The following TNFAIP8L3 variants were observed in gnomAD, a reference collection of about 807,000 sequenced individuals.
TNFAIP8L3 encodes TNF alpha induced protein 8 like 3.
In TNFAIP8L3, 7 loss-of-function variants were observed where a neutral mutation model predicts 11.8. The ratio of observed to expected loss-of-function variants is 0.59; its 90% confidence interval spans 0.34 to 1.11. The LOEUF is 1.11. TNFAIP8L3 is among the 50% of genes most tolerant of loss of function. The pLI, the probability that TNFAIP8L3 is intolerant of heterozygous loss-of-function variation, is 0.03. For synonymous variants in TNFAIP8L3, 98 were observed against 103.8 expected, an observed-to-expected ratio of 0.94 and a Z score of 0.34; for missense variants, 219 against 258.6, an observed-to-expected ratio of 0.85 and a Z score of 1.05.
intron 1 of TNFAIP8L3, among the ~76,000 whole-genome samples, chr15:51,102,517 G>T (rs1410678112): frequency 6.6e-6 from 1 of 152,144 alleles, no homozygotes; most frequent in Admixed American, 6.5e-5. Flanking sequence ...AATCTGGAAG[G>T]TTCCATTTAT....
upstream of TNFAIP8L3, among the ~76,000 whole-genome samples, chr15:51,099,131 C>A (rs186561798): frequency 4.7e-3 from 709 of 152,310 alleles, 4 homozygotes; most frequent in Middle Eastern, 0.017. Context: ...CTCCACTAGG[C>A]AGCAGGTGGG....
chr15:51,091,009 A>C (rs1315574285), intron 1 of TNFAIP8L3, among the ~76,000 whole-genome samples: 1 of 152,188 alleles, frequency 6.6e-6, no homozygotes, highest in Non-Finnish European at 1.5e-5. Context: ...GAATACACCA[A>C]GCTCTAGGAT....
chr15:51,058,329 A>T lies in TNFAIP8L3; in HGVS notation c.167T>A (p.Ile56Asn). 6.2e-7 allele frequency: 1 copy of T among 1,614,036 alleles called. No homozygotes were observed. Residue 56 changes from isoleucine to asparagine, a missense_variant, in exon 2 of 2, where the codon ATC becomes AAC. By Grantham distance (149) the Ile-to-Asn change is moderately radical. Transcript: ENST00000637513. ...GGTGACTTTGTAGAGCTCATCAAAGATCTCGCTGCTGGTGTCATCAATCAA... is the reference window on the plus strand; with the variant it reads ...GGTGACTTTGTAGAGCTCATCAAAGTTCTCGCTGCTGGTGTCATCAATCAA... ...NMLIDDTSSE[I>N]FDELYKVTKE...
intron 1 of TNFAIP8L3, among the ~76,000 whole-genome samples, chr15:51,085,049 G>C (rs1032294006): frequency 1.3e-5 from 2 of 152,200 alleles, no homozygotes; most frequent in Non-Finnish European, 2.9e-5. Flanking sequence ...ATACCTACCA[G>C]ATACTGCTGT....
chr15:51,089,045 T>C (rs2065448668), intron 1 of TNFAIP8L3, among the ~76,000 whole-genome samples: 1 of 152,250 alleles, frequency 6.6e-6, no homozygotes, highest in Non-Finnish European at 1.5e-5. Context: ...ACTGAGGCTG[T>C]TGGGTCTACA....
chr15:51,062,746 A>G (rs2065248907), intron 1 of TNFAIP8L3, among the ~76,000 whole-genome samples: 1 of 152,214 alleles, frequency 6.6e-6, no homozygotes, highest in South Asian at 2.1e-4. Context: ...TTTTAAAAAT[A>G]TTTATTTAAT....
chr15:51,060,851 A>C (rs2065238222), intron 1 of TNFAIP8L3, among the ~76,000 whole-genome samples: 1 of 152,174 alleles, frequency 6.6e-6, no homozygotes, highest in South Asian at 2.1e-4. Flanking sequence ...AAAATAATTA[A>C]TTGGCTGGGT....
intron 1 of TNFAIP8L3, among the ~76,000 whole-genome samples, chr15:51,065,328 G>C (rs942823579): frequency 6.6e-6 from 1 of 152,174 alleles, no homozygotes; most frequent in Admixed American, 6.5e-5. Context: ...ATAATTTAAG[G>C]GGGGAACTTC....
At chr15:51,090,697 G>A (rs193194176) in intron 1 of TNFAIP8L3, among the ~76,000 whole-genome samples, 1 of 152,144 alleles carries the variant, frequency 6.6e-6, no homozygotes, top group Non-Finnish European at 1.5e-5. Context: ...AAGCATGTAG[G>A]GGAGGAGAGG....
chr15:51,102,622 G>C (rs914617613), intron 1 of TNFAIP8L3, among the ~76,000 whole-genome samples: 4 of 152,200 alleles, frequency 2.6e-5, no homozygotes, highest in Non-Finnish European at 4.4e-5. Context: ...CATCACTTTA[G>C]ATATGAAGAA....
intron 1 of TNFAIP8L3, among the ~76,000 whole-genome samples, chr15:51,099,943 C>G (rs1231735846): frequency 2.6e-5 from 4 of 152,132 alleles, no homozygotes; most frequent in Non-Finnish European, 4.4e-5. Flanking sequence ...CCGGAAATAA[C>G]CAATTGATGA....
intron 1 of TNFAIP8L3, among the ~76,000 whole-genome samples, chr15:51,091,868 T>C (rs912532139): frequency 2.6e-5 from 4 of 152,220 alleles, no homozygotes; most frequent in Admixed American, 2.6e-4. Flanking sequence ...AGTTCATTAT[T>C]TAGCAGTATT....
At chr15:51,082,591 T>G (rs2065399948) in intron 1 of TNFAIP8L3, among the ~76,000 whole-genome samples, 1 of 152,222 alleles carries the variant, frequency 6.6e-6, no homozygotes, top group Non-Finnish European at 1.5e-5. Context: ...TACTGAAACT[T>G]TTTTACTTTA....
intron 1 of TNFAIP8L3, among the ~76,000 whole-genome samples, chr15:51,088,493 C>G (rs571682953): frequency 7.9e-5 from 12 of 152,302 alleles, no homozygotes; most frequent in African/African-American, 2.9e-4. Flanking sequence ...CTACAAACCT[C>G]TGGAAGGCAG....
chr15:51,102,232 C>G (rs970341528), intron 1 of TNFAIP8L3, among the ~76,000 whole-genome samples: 1 of 152,100 alleles, frequency 6.6e-6, no homozygotes, highest in Non-Finnish European at 1.5e-5. Context: ...GACAGGCATG[C>G]TTTCATCTGA....
In TNFAIP8L3 at chr15:51,105,034, G is replaced by C. The variant is rs371743377; in HGVS notation, c.143C>G (p.Ser48Cys). ...TCCCTTTCCCCTCTGAAGATGAAAAGATAAGGGGATGAGTCTTGTTTGTAA... is the reference window on the plus strand; with the variant it reads ...TCCCTTTCCCCTCTGAAGATGAAAACATAAGGGGATGAGTCTTGTTTGTAA... Residue 48 changes from serine (S) to cysteine (C), a missense_variant, in exon 1 of 3, where the codon TCT (serine) becomes TGT (cysteine). Ser to Cys is a moderately radical substitution (Grantham distance 112). Transcript: ENST00000327536. The C allele has an allele frequency of 2.5e-5, 40 of 1,614,048 alleles. No homozygotes were observed. Among genetic ancestry groups the C allele is most frequent in the Non-Finnish European group, 3.3e-5 (39 of 1,180,042 alleles).
chr15:51,072,612 A>C (rs565396945), intron 1 of TNFAIP8L3, among the ~76,000 whole-genome samples: 1 of 152,286 alleles, frequency 6.6e-6, no homozygotes, highest in African/African-American at 2.4e-5. Context: ...AATCAATCTG[A>C]AAATTATCTG....
At chr15:51,089,499 C>A (rs1405843098) in intron 1 of TNFAIP8L3, among the ~76,000 whole-genome samples, 4 of 152,176 alleles carry the variant, frequency 2.6e-5, no homozygotes, top group Admixed American at 1.3e-4. Context: ...AGTAGACATA[C>A]CCTGTCTCCT....
At chr15:51,089,513 C>T (rs904170281) in intron 1 of TNFAIP8L3, among the ~76,000 whole-genome samples, 5 of 152,308 alleles carry the variant, frequency 3.3e-5, no homozygotes, top group Non-Finnish European at 5.9e-5. Context: ...GTCTCCTCAT[C>T]CAATGTCAAG....
Sources: allele counts gnomAD v4.1 joint callset (sites outside exome capture counted in the v4.1 genomes callset), GRCh38; gene constraint gnomAD v4.1.1; transcripts MANE v1.5; gene names NCBI Gene and HGNC (gene_info 2026-07-23, HGNC 2026-07-21).